The following ZNF566 variants were observed in gnomAD, a reference collection of about 807,000 sequenced individuals.
ZNF566 encodes the protein zinc finger protein 566.
ZNF566 carries 27 observed loss-of-function variants against 32.8 expected under a neutral mutation model. The observed-to-expected ratio is 0.82, with a 90% CI of 0.61 to 1.14. The LOEUF is 1.14. ZNF566 is among the 50% of genes most tolerant of loss of function. The probability of loss-of-function intolerance (pLI) is 0.00; values close to 1 mark genes in which losing one functional copy is unlikely to be tolerated. For synonymous variants in ZNF566, 154 were observed against 159.5 expected (o/e 0.97, Z 0.26); for missense variants, 402 against 490.4 (o/e 0.82, Z 1.70).
chr19:36,469,960 A>C (rs2145680518), intron 4 of ZNF566, among the ~76,000 whole-genome samples: 1 of 152,284 alleles, frequency 6.6e-6, no homozygotes, highest in East Asian at 1.9e-4. Context: ...ATGCATGTAG[A>C]AACTATTACA....
At chr19:36,462,159 T>C (rs2033481919) in intron 4 of ZNF566, among the ~76,000 whole-genome samples, 1 of 151,940 alleles carries the variant, frequency 6.6e-6, no homozygotes, top group Non-Finnish European at 1.5e-5. Flanking sequence ...TGGCTAATTT[T>C]GTATTTTTAG....
intron 4 of ZNF566, among the ~76,000 whole-genome samples, chr19:36,455,325 G>C (rs998798768): frequency 6.6e-6 from 1 of 152,018 alleles, no homozygotes; most frequent in Admixed American, 6.6e-5. Context: ...GTCCACTCTT[G>C]ACACTCTGCT....
chr19:36,462,823 G>C (rs1600151199), intron 4 of ZNF566, among the ~76,000 whole-genome samples: 1 of 151,518 alleles, frequency 6.6e-6, no homozygotes, highest in East Asian at 1.9e-4. Flanking sequence ...CAGGCGTGGT[G>C]GGGGGTGCCT....
At chr19:36,489,012 C>T (rs2034242808) in intron 1 of ZNF566, among the ~76,000 whole-genome samples, 1 of 152,172 alleles carries the variant, frequency 6.6e-6, no homozygotes, top group Non-Finnish European at 1.5e-5. Context: ...GAGGCAGTCA[C>T]AGTCACAACC....
At chr19:36,454,497 G>A (rs2033250627) in intron 4 of ZNF566, among the ~76,000 whole-genome samples, 1 of 152,122 alleles carries the variant, frequency 6.6e-6, no homozygotes, top group African/African-American at 2.4e-5. Flanking sequence ...AAACTGCAGT[G>A]AGTTATGGTC....
chr19:36,459,017 C>A (rs1037432147), intron 4 of ZNF566, among the ~76,000 whole-genome samples: 1 of 151,754 alleles, frequency 6.6e-6, no homozygotes, highest in Non-Finnish European at 1.5e-5. Context: ...CCACGCCTGG[C>A]CAATATATAT....
At chr19:36,477,010 T>A (rs1469335342) in intron 1 of ZNF566, among the ~76,000 whole-genome samples, 1 of 152,074 alleles carries the variant, frequency 6.6e-6, no homozygotes, top group Non-Finnish European at 1.5e-5. Context: ...TAACTTAATT[T>A]TTTTTTTCTT....
chr19:36,476,695 T>C (rs1309606958), intron 1 of ZNF566, 79 bp from the exon 2 acceptor site: 6 of 1,212,530 alleles, frequency 4.9e-6, no homozygotes, highest in Middle Eastern at 4.0e-4. Context: ...TTCCTTCTGT[T>C]CATGCTTCAG....
Position 36,473,465 on chromosome 19 carries a change from C to T in ZNF566, c.10-7G>A. 6.4e-7 allele frequency: 1 copy of T among 1,573,222 alleles called. No homozygotes were observed. The highest frequency in any genetic ancestry group is 8.6e-7 in the Non-Finnish European group (1 of 1,163,020). On this transcript the variant is annotated splice_region_variant and splice_polypyrimidine_tract_variant and intron_variant, in intron 2 of 4. Transcript: ENST00000452939. ...CACTGAACATCACTGACTCCTGGAA[C>T]AATAACCACGTATATGACTTCATTA...
At chr19:36,458,038 T>C (rs767141179) in intron 4 of ZNF566, among the ~76,000 whole-genome samples, 2 of 152,220 alleles carry the variant, frequency 1.3e-5, no homozygotes, top group Non-Finnish European at 2.9e-5. Context: ...ACAGCCATTA[T>C]GGAAAACAGC....
chr19:36,457,466 A>C (rs2033345254), intron 4 of ZNF566, among the ~76,000 whole-genome samples: 1 of 152,232 alleles, frequency 6.6e-6, no homozygotes, highest in Admixed American at 6.5e-5. Flanking sequence ...TCAACTCAGT[A>C]ACAAGAAAAC....
chr19:36,474,455 C>T (rs904948461), intron 2 of ZNF566, among the ~76,000 whole-genome samples: 6 of 151,890 alleles, frequency 4.0e-5, no homozygotes, highest in Non-Finnish European at 8.8e-5. Context: ...TATTTGCAGC[C>T]GTAATAAGGT....
chr19:36,451,819 A>G (rs2033165459), intron 4 of ZNF566, among the ~76,000 whole-genome samples: 1 of 152,180 alleles, frequency 6.6e-6, no homozygotes, highest in Non-Finnish European at 1.5e-5. Context: ...CAGCCTGACC[A>G]ACATGGTGAA....
chr19:36,446,837 G>A lies in ZNF566; in HGVS notation c.*2140C>T, dbSNP rs746900403. 2.0e-5 allele frequency: 3 copies of A among 151,696 alleles called. No homozygotes were observed. The highest frequency in any genetic ancestry group is 2.1e-4 in the South Asian group (1 of 4,794). 9.4% of individuals were successfully genotyped at this position (151,696 alleles called of 1,614,324 possible). On this transcript the variant is annotated 3_prime_UTR_variant, in exon 5 of 5. Transcript: ENST00000452939. ...AGTAACACAATGTTCAGAGAGACCC[G>A]TCTACACAGGATCTAAGAAAAAAGG...
chr19:36,466,865 G>A (rs769134025), intron 4 of ZNF566, among the ~76,000 whole-genome samples: 3 of 151,942 alleles, frequency 2.0e-5, no homozygotes, highest in East Asian at 3.9e-4. Flanking sequence ...TCAGGAGATC[G>A]AGACCATCCT....
At chr19:36,486,795 A>C (rs2145716214) in intron 1 of ZNF566, among the ~76,000 whole-genome samples, 1 of 152,214 alleles carries the variant, frequency 6.6e-6, no homozygotes, top group Non-Finnish European at 1.5e-5. Context: ...AAGGTGCTGA[A>C]CATCATTTCA....
intron 2 of ZNF566, chr19:36,476,018 A>AT (rs906647577): frequency 6.6e-6 from 1 of 152,074 alleles, no homozygotes; most frequent in African/African-American, 2.4e-5. Context: ...ATTAATATAA[A>AT]TTTTTTTCTG....
At chr19:36,467,790 CAAAAAAAAAAAAAAAAAAAAAAAAA>C (rs560803094) in intron 4 of ZNF566, among the ~76,000 whole-genome samples, 3 of 85,918 alleles carry the variant, frequency 3.5e-5, no homozygotes, top group African/African-American at 4.6e-5. Context: ...GACTCCATCT[CAAAAAAAAAAAAAAAAAAAAAAAAA>C]AAAAAAAAAG....
At position 36,466,370 on chromosome 19, in the gene ZNF566, A is replaced by G. The variant is rs540498211; in HGVS notation, c.232+6541T>C. 1.0e-3 allele frequency among the ~76,000 whole-genome samples: 156 copies of G among 152,296 alleles called. 1 individual carries two copies. The highest frequency in any genetic ancestry group is 3.6e-3 in the African/African-American group (149 of 41,572). ...TGGCAGACACAATCTGCGGATGCTC[A>G]AGTCCCTTATATAAAATGGCACAGT... On this transcript the variant is annotated intron_variant, in intron 4 of 4. Transcript: ENST00000452939.
Sources: allele counts gnomAD v4.1 joint callset (sites outside exome capture counted in the v4.1 genomes callset), GRCh38; gene constraint gnomAD v4.1.1; transcripts MANE v1.5; gene names NCBI Gene and HGNC (gene_info 2026-07-23, HGNC 2026-07-21).